PRAMEF4: variants seen among roughly 807,000 people sequenced by gnomAD.
PRAMEF4 encodes PRAME family member 4, also known as RP5-845O24.6.
Under a neutral mutation model 34.4 loss-of-function variants are expected in PRAMEF4, and 18 were observed. The ratio of observed to expected loss-of-function variants is 0.52; its 90% CI spans 0.36 to 0.78. The LOEUF (loss-of-function observed/expected upper bound fraction) is 0.78. PRAMEF4 is among the 30% of genes least tolerant of loss of function. The pLI, the probability that PRAMEF4 is intolerant of heterozygous loss-of-function variation, is 0.00. For synonymous variants in PRAMEF4, 156 were observed against 219.3 expected (o/e 0.71, Z 2.55); for missense variants, 482 against 569.1 (o/e 0.85, Z 1.56).
intron 3 of PRAMEF4, among the ~76,000 whole-genome samples, chr1:12,880,909 C>G (rs1457612308): frequency 6.8e-6 from 1 of 146,726 alleles, no homozygotes; most frequent in Non-Finnish European, 1.5e-5. Context: ...ATTAATTTAC[C>G]TGGAGCTCAA....
chr1:12,883,294 G>C lies in PRAMEF4; in HGVS notation c.101C>G (p.Pro34Arg). The C allele has an allele frequency of 8.1e-6, 13 of 1,599,776 alleles. 2 individuals carry two copies. The highest frequency in any genetic ancestry group is 2.7e-5 in the African/African-American group (2 of 72,810). Reference protein sequence around the residue: ...ALAMSTLEELPTELFPPLFME... With the variant: ...ALAMSTLEELRTELFPPLFME... ...GAACAGTGGGGGGAAAAGTTCTGTG[G>C]GCAGCTCCTCCAGGGTGGACATGGC... Residue 34 changes from proline (P) to arginine (R), a missense_variant, in exon 2 of 4, where the codon CCC becomes CGC. Pro to Arg is a moderately radical substitution (Grantham distance 103). Transcript: ENST00000235349.
intron 3 of PRAMEF4, among the ~76,000 whole-genome samples, chr1:12,880,603 C>T (rs1274596817): frequency 6.7e-6 from 1 of 149,194 alleles, no homozygotes; most frequent in Non-Finnish European, 1.5e-5. Flanking sequence ...AAAAATAATT[C>T]CATTTGAGGC....
In PRAMEF4 at chr1:12,879,805, G is replaced by T; in HGVS notation, c.1176C>A (p.Ile392=). 2.5e-6 allele frequency: 4 copies of T among 1,600,122 alleles called. No homozygotes were observed. The highest frequency in any genetic ancestry group is 3.4e-6 in the Non-Finnish European group (4 of 1,173,710). The change falls in exon 4 of 4, where the codon ATC becomes ATA. Residue 392 remains isoleucine (I), a synonymous_variant. Transcript: ENST00000235349. Reference sequence around the variant, plus strand: ...GCAGGTTCTCCAGGGTGGCCATGCAGATGGGATTTCCACAGAAGCTGAAGG... The same window carrying T: ...GCAGGTTCTCCAGGGTGGCCATGCATATGGGATTTCCACAGAAGCTGAAGG... ...LNTFSFCGNP[I]CMATLENLLS... is the part of the protein sequence containing the mutation.
chr1:12,879,883 G>C lies in PRAMEF4; in HGVS notation c.1098C>G (p.Asp366Glu). The change falls in exon 4 of 4, where the codon GAC becomes GAG. Residue 366 changes from aspartate (D) to glutamate (E), a missense_variant. Around this residue, in one of 6 missense-constraint regions of PRAMEF4, gnomAD observed 35 missense variants for 109.2 expected, o/e 0.32. Coordinates refer to ENST00000235349, the MANE Select transcript of PRAMEF4 (RefSeq NM_001009611.4). ...CAGGCAAGATGGCGTTGACTTGGGA[G>C]TCTATGATGCCACAGTCATCTAAAT... ...YLDLDDCGII[D>E]SQVNAILPAL... 1 of 1,601,008 alleles carries C rather than the reference G, an allele frequency of 6.2e-7. No homozygotes were observed. The highest frequency in any genetic ancestry group is 8.5e-7 in the Non-Finnish European group (1 of 1,174,188).
At chr1:12,883,682 C>G (rs1266245524) in intron 1 of PRAMEF4, among the ~76,000 whole-genome samples, 2 of 147,696 alleles carry the variant, frequency 1.4e-5, no homozygotes, top group East Asian at 2.0e-4. Flanking sequence ...GTGGAGGAAC[C>G]TGAAAGTGAA....
Position 12,883,256 on chromosome 1 carries a change from T to C in PRAMEF4, c.139A>G (p.Ser47Gly). The C allele has an allele frequency of 6.3e-7, 1 of 1,599,172 alleles. No individual in the cohort carries two copies. The highest frequency in any genetic ancestry group is 1.7e-5 in the Admixed American group (1 of 57,460). ...LFPPLFMEAF[S>G]RRRCEALKLM... Reference sequence around the variant, plus strand: ...TTCAGGGCCTCACAGCGTCTCCTGCTGAAGGCCTCCATGAACAGTGGGGGG... The same window carrying C: ...TTCAGGGCCTCACAGCGTCTCCTGCCGAAGGCCTCCATGAACAGTGGGGGG... Residue 47 changes from serine to glycine, a missense_variant, in exon 2 of 4, where the codon AGC (serine) becomes GGC (glycine). This residue lies in a region of PRAMEF4 where 172 missense variants were observed against 130.2 expected (regional missense o/e 1.32). Coordinates refer to ENST00000235349, the MANE Select transcript of PRAMEF4 (RefSeq NM_001009611.4).
intron 3 of PRAMEF4, among the ~76,000 whole-genome samples, chr1:12,881,457 C>A (rs1253328737): frequency 2.0e-5 from 3 of 149,366 alleles, no homozygotes; most frequent in Non-Finnish European, 4.4e-5. Context: ...TCTTAAACTC[C>A]TAGGCTCAAG....
In PRAMEF4 at chr1:12,879,650, A is replaced by G. The variant is rs746376708; in HGVS notation, c.1331T>C (p.Val444Ala). ...AQIRAELMNR[V>A]RDLRHPKRIL... ...CCTCTTGGGGTGCCTTAAGTCCCTC[A>G]CTCTGTTCATCAGCTCAGCCCTAAT... The change falls in exon 4 of 4, where the codon GTG (valine) becomes GCG (alanine). Residue 444 changes from valine (V) to alanine (A), a missense_variant. Around this residue, in one of 6 missense-constraint regions of PRAMEF4, gnomAD observed 116 missense variants for 105.2 expected, o/e 1.10. Transcript: ENST00000235349. 2 of 1,597,626 alleles carry G rather than the reference A, an allele frequency of 1.3e-6. 1 individual carries two copies. The highest frequency in any genetic ancestry group is 2.8e-5 in the African/African-American group (2 of 72,574).
rs1169951717 is a variant in PRAMEF4 at position 12,881,860 on chromosome 1, A to T, written c.869T>A (p.Leu290Gln). ...GCTCACCACCCTCCCTCACCTGAGC[A>T]GCTGGTCCAGGTGGCCTTCGAGGAA... ...VSFLEGHLDQ[L>Q]LSCLKTSLKF... Residue 290 changes from leucine (L) to glutamine (Q), a missense_variant, in exon 3 of 4, where the codon CTG (leucine) becomes CAG (glutamine). Around this residue, in one of 6 missense-constraint regions of PRAMEF4, gnomAD observed 35 missense variants for 109.2 expected, o/e 0.32. Transcript: ENST00000235349. 1 of 1,595,436 alleles carries T rather than the reference A, an allele frequency of 6.3e-7. No homozygotes were observed. The highest frequency in any genetic ancestry group is 1.1e-5 in the South Asian group (1 of 90,356).
chr1:12,884,843 A>C (rs1402203160), intron 1 of PRAMEF4, among the ~76,000 whole-genome samples: 2 of 150,196 alleles, frequency 1.3e-5, no homozygotes, highest in African/African-American at 4.9e-5. Context: ...AGATTTAGGG[A>C]TAGGGTGAAA....
chr1:12,883,029 A>T, intron 2 of PRAMEF4, 73 bp downstream of exon 2: 3 of 1,575,262 alleles, frequency 1.9e-6, no homozygotes, highest in Non-Finnish European at 2.6e-6. Flanking sequence ...GGGCCTCCTC[A>T]CTTCTCACGA....
intron 1 of PRAMEF4, among the ~76,000 whole-genome samples, chr1:12,885,286 A>G (rs1024360621): frequency 9.4e-5 from 14 of 149,476 alleles, no homozygotes; most frequent in Admixed American, 2.1e-4. Context: ...TGCACCCCCC[A>G]CAGCCATGCC....
chr1:12,882,394 T>C lies in PRAMEF4; in HGVS notation c.335A>G (p.Glu112Gly). 1 of 1,588,384 alleles carries C rather than the reference T, an allele frequency of 6.3e-7. No homozygotes were observed. The highest frequency in any genetic ancestry group is 8.6e-7 in the Non-Finnish European group (1 of 1,168,922). Residue 112 changes from glutamate (E) to glycine (G), a missense_variant, in exon 3 of 4, where the codon GAG becomes GGG. By Grantham distance (98) the Glu-to-Gly change is moderately conservative (BLOSUM62 -2). Transcript: ENST00000235349. ...LQVLDLQDVCENFWMVWSEAM... is the reference protein window; with the variant it reads ...LQVLDLQDVCGNFWMVWSEAM... ...TTCAGACCAAACCATCCAGAAGTTC[T>C]CACAGACATCCTGTAAATCCAGCAC...
Position 12,883,507 on chromosome 1 carries a change from G to A in PRAMEF4, c.-16-97C>T, listed in dbSNP as rs536883416. On this transcript the variant is annotated intron_variant, in intron 1 of 3. Transcript: ENST00000235349. ...GGCCAAACTCACTGCTCTGGCAATG[G>A]TGAAAGAGTCCTCAGTTTACTCCAA... 3.7e-4 allele frequency: 549 copies of A among 1,483,820 alleles called. 30 individuals carry two copies. The highest frequency in any genetic ancestry group is 4.7e-4 in the Non-Finnish European group (517 of 1,090,622). 91.9% of individuals were successfully genotyped at this position (1,483,820 alleles called of 1,614,324 possible).
rs888105410 is a variant in PRAMEF4 at position 12,884,631 on chromosome 1, C to T, written c.-16-1221G>A. On this transcript the variant is annotated intron_variant, in intron 1 of 3. Transcript: ENST00000235349. The stretch of plus-strand genomic sequence containing the variant: ...TAGGGAGGCTGAGGTAGGAGGATCA[C>T]TTGAACCCAGGAGGCAGAAGTTGCA... Among the ~76,000 whole-genome samples, 15 of 147,678 alleles carry T rather than the reference C, an allele frequency of 1.0e-4. 2 individuals are homozygous for T. The highest frequency in any genetic ancestry group is 3.8e-4 in the African/African-American group (15 of 39,592).
intron 1 of PRAMEF4, among the ~76,000 whole-genome samples, chr1:12,885,197 A>T (rs5005751): frequency 0.053 from 5,320 of 101,178 alleles, 40 homozygotes; most frequent in African/African-American, 0.082. Flanking sequence ...TGGCACCATC[A>T]TGGCTCACTG....
At position 12,883,124 on chromosome 1, in the gene PRAMEF4, G is replaced by A. The variant is rs546453387; in HGVS notation, c.271C>T (p.Leu91Phe). 14 of 1,601,514 alleles carry A rather than the reference G, an allele frequency of 8.7e-6. No homozygotes were observed. In the East Asian group the frequency reaches 1.6e-4, roughly 18 times the overall value. ...CACCTGGGACGAACCCCTAGGTTAA[G>A]CAGTGCATCCAGCCCATCGAGCACA... is the stretch of plus-strand genomic sequence containing the variant. The part of the protein sequence containing the change: ...QAVLDGLDAL[L>F]NLGVRPRRWK... The change falls in exon 2 of 4, where the codon CTT (leucine) becomes TTT (phenylalanine). Residue 91 changes from leucine (L) to phenylalanine (F), a missense_variant. Around this residue, in one of 6 missense-constraint regions of PRAMEF4, gnomAD observed 172 missense variants for 130.2 expected, o/e 1.32. Transcript: ENST00000235349.
At chr1:12,882,634 A>C (rs979647249) in intron 2 of PRAMEF4, among the ~76,000 whole-genome samples, 199 bp from the exon 3 acceptor site, 2 of 146,352 alleles carry the variant, frequency 1.4e-5, no homozygotes, top group African/African-American at 5.1e-5. Context: ...TGTGTCGCCC[A>C]GGCTAGAGTG....
At chr1:12,884,279 C>T (rs201735100) in intron 1 of PRAMEF4, among the ~76,000 whole-genome samples, 2 of 148,978 alleles carry the variant, frequency 1.3e-5, no homozygotes, top group African/African-American at 5.0e-5. Context: ...GGCCTCCCAA[C>T]ATACTGGGAT....
Sources: allele counts gnomAD v4.1 joint callset (sites outside exome capture counted in the v4.1 genomes callset), GRCh38; gene constraint gnomAD v4.1.1; regional missense constraint gnomAD v4.1.1; transcripts MANE v1.5; gene names NCBI Gene and HGNC (gene_info 2026-07-23, HGNC 2026-07-21).